AGBL1: variants seen among roughly 807,000 people sequenced by gnomAD.
AGBL1 encodes AGBL carboxypeptidase 1, also known as cytosolic carboxypeptidase 4.
AGBL1 carries 130 observed loss-of-function variants against 118.9 expected under a neutral mutation model. The observed-to-expected ratio is 1.09, with a 90% CI of 0.95 to 1.26. AGBL1 has a LOEUF of 1.26. Among genes scored for constraint, AGBL1 ranks in the 50% most tolerant of loss-of-function variants. The pLI is 0.00. For missense variants in AGBL1, 1,584 were observed against 1,298.1 expected (o/e 1.22, Z -3.38); for synonymous variants, 555 against 478.9 (o/e 1.16, Z -2.08).
chr15:86,834,701 G>T (rs2079148707), intron 22 of AGBL1, among the ~76,000 whole-genome samples: 1 of 152,096 alleles, frequency 6.6e-6, no homozygotes, highest in Non-Finnish European at 1.5e-5. Flanking sequence ...AGCCAACTCG[G>T]CATGGACTTT....
At chr15:86,763,595 C>A (rs60077369) in intron 22 of AGBL1, among the ~76,000 whole-genome samples, 4,770 of 151,876 alleles carry the variant, frequency 0.031, 280 homozygotes, top group African/African-American at 0.11. Flanking sequence ...CTAGGATGTT[C>A]CTTTTATGTT....
chr15:86,701,721 C>T (rs1432897363), intron 22 of AGBL1, among the ~76,000 whole-genome samples: 3 of 144,718 alleles, frequency 2.1e-5, no homozygotes, highest in Non-Finnish European at 4.6e-5. Flanking sequence ...CCTTCCACTC[C>T]CTTCCCTCCA....
intron 5 of AGBL1, among the ~76,000 whole-genome samples, chr15:86,171,334 A>C (rs1468804378): frequency 6.6e-6 from 1 of 150,414 alleles, no homozygotes; most frequent in African/African-American, 2.4e-5. Flanking sequence ...TTTTTTGTAA[A>C]ATTAAAATAT....
chr15:86,829,121 C>T (rs897780218), intron 22 of AGBL1, among the ~76,000 whole-genome samples: 4 of 151,860 alleles, frequency 2.6e-5, no homozygotes, highest in African/African-American at 7.3e-5. Context: ...CTCAACAGAG[C>T]CTCGTGGGGT....
At chr15:86,271,043 ATTT>A (rs58166692) in intron 14 of AGBL1, among the ~76,000 whole-genome samples, 1,620 of 88,950 alleles carry the variant, frequency 0.018, 13 homozygotes, top group East Asian at 0.056. Flanking sequence ...GTCACGTTGC[ATTT>A]TTTTTTTTTT....
intron 21 of AGBL1, among the ~76,000 whole-genome samples, chr15:86,587,118 G>A (rs1010960784): frequency 3.3e-5 from 5 of 152,142 alleles, no homozygotes; most frequent in African/African-American, 1.2e-4. Flanking sequence ...CTGCTTCCCT[G>A]AGCACACTGC....
At chr15:86,546,792 A>T (rs1484590974) in intron 20 of AGBL1, among the ~76,000 whole-genome samples, 4 of 152,204 alleles carry the variant, frequency 2.6e-5, no homozygotes, top group Admixed American at 6.5e-5. Context: ...TCCCATCAGG[A>T]TAAAGGCAAC....
At chr15:86,863,750 A>C (rs1383166700) in intron 22 of AGBL1, among the ~76,000 whole-genome samples, 1 of 152,210 alleles carries the variant, frequency 6.6e-6, no homozygotes, top group Non-Finnish European at 1.5e-5. Context: ...ATAATAGCAG[A>C]AATGTGATCA....
At chr15:86,141,957 C>A in intron 1 of AGBL1, 47 bp from the exon 2 acceptor site, 2 of 1,529,672 alleles carry the variant, frequency 1.3e-6, no homozygotes, top group Non-Finnish European at 1.8e-6. Context: ...TCATCCAACT[C>A]CTTCCTCTTG....
At chr15:86,345,346 C>A (rs1210998858) in intron 17 of AGBL1, among the ~76,000 whole-genome samples, 2 of 152,106 alleles carry the variant, frequency 1.3e-5, no homozygotes, top group South Asian at 2.1e-4. Flanking sequence ...GTTTGTGGCA[C>A]CAATAGTGCA....
At chr15:86,343,977 G>GA (rs1253413160) in intron 17 of AGBL1, among the ~76,000 whole-genome samples, 1 of 152,122 alleles carries the variant, frequency 6.6e-6, no homozygotes, top group Non-Finnish European at 1.5e-5. Context: ...ATCAAGCCAT[G>GA]AAAAAACCTA....
chr15:86,500,058 C>G (rs1035141486), intron 18 of AGBL1, among the ~76,000 whole-genome samples: 3 of 151,758 alleles, frequency 2.0e-5, no homozygotes, highest in African/African-American at 7.3e-5. Context: ...CTGAAGAATT[C>G]CTGGGTTTGT....
At chr15:86,415,603 G>C (rs1324339658) in intron 18 of AGBL1, among the ~76,000 whole-genome samples, 1 of 152,028 alleles carries the variant, frequency 6.6e-6, no homozygotes, top group East Asian at 1.9e-4. Context: ...GCCTTATTAA[G>C]CTCTTTTGAT....
chr15:86,583,599 A>G (rs1008743927), intron 21 of AGBL1, among the ~76,000 whole-genome samples: 1 of 152,022 alleles, frequency 6.6e-6, no homozygotes, highest in East Asian at 1.9e-4. Context: ...GCTTAAGTTG[A>G]TTCCATATCT....
intron 21 of AGBL1, among the ~76,000 whole-genome samples, chr15:86,557,667 A>G (rs1382834973): frequency 6.6e-6 from 1 of 152,204 alleles, no homozygotes; most frequent in South Asian, 2.1e-4. Flanking sequence ...AGTAATGCCC[A>G]TAAGTGTCTT....
At chr15:86,885,489 A>G (rs2079957193) in intron 22 of AGBL1, among the ~76,000 whole-genome samples, 2 of 152,220 alleles carry the variant, frequency 1.3e-5, no homozygotes, top group African/African-American at 4.8e-5. Flanking sequence ...TAAAAGTAAA[A>G]AAGAGTGACA....
intron 22 of AGBL1, among the ~76,000 whole-genome samples, chr15:86,871,708 G>C (rs2141506324): frequency 6.6e-6 from 1 of 152,032 alleles, no homozygotes; most frequent in South Asian, 2.1e-4. Context: ...GGGACTGTTG[G>C]GTCACCTCTA....
At position 86,613,973 on chromosome 15, in the gene AGBL1, G is replaced by T. The variant is rs2084690268; in HGVS notation, c.2994+59436G>T. 6.6e-6 allele frequency among the ~76,000 whole-genome samples: 1 copy of T among 152,186 alleles called. No homozygotes were observed. The highest frequency in any genetic ancestry group is 2.4e-5 in the African/African-American group (1 of 41,444). On this transcript the variant is annotated intron_variant, in intron 21 of 22. Transcript: ENST00000614907. This position sits in a 1 kb window ranked among gnomAD's most constrained non-coding sequence, Gnocchi z 4.2. The stretch of plus-strand genomic sequence containing the variant: ...CATCTCCTAAGGGAGGTGGGGTAAT[G>T]TGCTGCTGCAAACTTTGTACGGTAA...
chr15:86,595,390 A>T (rs2084391487), intron 21 of AGBL1, among the ~76,000 whole-genome samples: 1 of 152,154 alleles, frequency 6.6e-6, no homozygotes, highest in African/African-American at 2.4e-5. Flanking sequence ...TTAACCTTTT[A>T]AAAGTTCAGT....
Sources: allele counts gnomAD v4.1 joint callset (sites outside exome capture counted in the v4.1 genomes callset), GRCh38; gene constraint gnomAD v4.1.1; non-coding constraint Gnocchi (gnomAD v3.1); transcripts MANE v1.5; gene names NCBI Gene and HGNC (gene_info 2026-07-23, HGNC 2026-07-21).